MECOM: variants seen among roughly 807,000 people sequenced by gnomAD.
MECOM encodes the protein histone-lysine N-methyltransferase MECOM.
MECOM carries 13 observed loss-of-function variants against 116.3 expected under a neutral mutation model. That is an observed-to-expected ratio of 0.11 (90% CI 0.07 to 0.18). The LOEUF is 0.18. MECOM is among the 10% of genes least tolerant of loss of function. The pLI is 1.00. For missense variants in MECOM, 1,299 were observed against 1,509.0 expected, an observed-to-expected ratio of 0.86 and a Z score of 2.31; for synonymous variants, 528 against 535.2, an observed-to-expected ratio of 0.99 and a Z score of 0.19.
chr3:169,381,516 A>C lies in MECOM; in HGVS notation c.46T>G (p.Cys16Gly), dbSNP rs762327252. Residue 16 changes from cysteine (C) to glycine (G), a missense_variant, in exon 2 of 17, where the codon TGT (cysteine) becomes GGT (glycine). Around this residue, in one of 6 missense-constraint regions of MECOM, gnomAD observed 374 missense variants for 433.4 expected, o/e 0.86. Transcript: ENST00000651503. ...ATTTCAGGGTAGTTGCCATATACAC[A>C]CTCATTATCTGTGAATAAATAAGAA... ...RARKLATNNE[C>G]VYGNYPEIPL... The C allele has an allele frequency of 3.8e-6, 6 of 1,588,662 alleles. No individual in the cohort carries two copies. In the African/African-American group the frequency reaches 8.1e-5, roughly 22 times the overall value.
At chr3:169,235,897 CCTTGACTTATATGATTCAA>C (rs1289353209) in intron 2 of MECOM, among the ~76,000 whole-genome samples, 1 of 151,136 alleles carries the variant, frequency 6.6e-6, no homozygotes, top group East Asian at 1.9e-4. Context: ...GACAGACGCT[CCTTGACTTATATGATTCAA>C]CTTACAACCT....
chr3:169,294,338 G>T (rs1715177171), intron 2 of MECOM, among the ~76,000 whole-genome samples: 1 of 152,292 alleles, frequency 6.6e-6, no homozygotes, highest in East Asian at 1.9e-4. Context: ...GGGAGAGTTT[G>T]CAATTTCTAC....
intron 2 of MECOM, among the ~76,000 whole-genome samples, chr3:169,199,110 T>C (rs1047095488): frequency 1.3e-5 from 2 of 152,096 alleles, no homozygotes; most frequent in South Asian, 4.1e-4. Flanking sequence ...TTTCAGAACA[T>C]GTGGAGCATA....
chr3:169,212,240 A>C (rs947116074), intron 2 of MECOM, among the ~76,000 whole-genome samples: 1 of 152,036 alleles, frequency 6.6e-6, no homozygotes, highest in Non-Finnish European at 1.5e-5. Flanking sequence ...GGAATACCCC[A>C]CAACTGCTTC....
In MECOM at chr3:169,115,761, G is replaced by T. The variant is rs1728970671; in HGVS notation, c.2111C>A (p.Ser704Tyr). Reference protein sequence around the residue: ...MFPLPFFPAFSQSMYPFPDRD... With the variant: ...MFPLPFFPAFYQSMYPFPDRD... ...ATCAGGAAATGGGTACATTGATTGAGAGAATGCTGGAAAAAATGGGAGGGG... is the reference window on the plus strand; with the variant it reads ...ATCAGGAAATGGGTACATTGATTGATAGAATGCTGGAAAAAATGGGAGGGG... Residue 704 changes from serine (S) to tyrosine (Y), a missense_variant, in exon 8 of 17, where the codon TCT becomes TAT. Transcript: ENST00000651503. 1.2e-6 allele frequency: 2 copies of T among 1,614,046 alleles called. No homozygotes were observed. The highest frequency in any genetic ancestry group is 2.7e-5 in the African/African-American group (2 of 74,926).
intron 1 of MECOM, among the ~76,000 whole-genome samples, chr3:169,558,591 C>A (rs755708361): frequency 6.6e-6 from 1 of 152,220 alleles, no homozygotes; most frequent in Non-Finnish European, 1.5e-5. Flanking sequence ...CATTGTTTAT[C>A]CAGCGAGTAT....
At chr3:169,259,745 G>A (rs1757314566) in intron 2 of MECOM, among the ~76,000 whole-genome samples, 1 of 152,156 alleles carries the variant, frequency 6.6e-6, no homozygotes, top group Non-Finnish European at 1.5e-5. Flanking sequence ...CATATTTTCT[G>A]CTTTCTCATT....
At chr3:169,278,417 T>C (rs1759878110) in intron 2 of MECOM, among the ~76,000 whole-genome samples, 1 of 152,250 alleles carries the variant, frequency 6.6e-6, no homozygotes, top group Admixed American at 6.5e-5. Flanking sequence ...TAGTTGAATA[T>C]AAACTTTAAA....
chr3:169,201,087 C>A (rs1749086631), intron 2 of MECOM, among the ~76,000 whole-genome samples: 1 of 152,094 alleles, frequency 6.6e-6, no homozygotes, highest in Non-Finnish European at 1.5e-5. Context: ...TATTCAGTTG[C>A]ATGTACGTCT....
intron 2 of MECOM, among the ~76,000 whole-genome samples, chr3:169,272,857 G>A (rs117764687): frequency 1.3e-5 from 2 of 152,138 alleles, no homozygotes; most frequent in Non-Finnish European, 2.9e-5. Flanking sequence ...GTCATAGGGT[G>A]GGCACTGGCT....
chr3:169,540,126 G>C (rs556501027), intron 1 of MECOM, among the ~76,000 whole-genome samples: 38 of 152,250 alleles, frequency 2.5e-4, no homozygotes, highest in African/African-American at 8.9e-4. Context: ...TCATTTTCCA[G>C]CTGCCTCTTG....
At chr3:169,341,560 C>T (rs1724531594) in intron 2 of MECOM, among the ~76,000 whole-genome samples, 1 of 150,890 alleles carries the variant, frequency 6.6e-6, no homozygotes, top group Non-Finnish European at 1.5e-5. Flanking sequence ...GCCAACAAGG[C>T]GAAACTCCAT....
At chr3:169,222,643 A>G (rs1392900714) in intron 2 of MECOM, among the ~76,000 whole-genome samples, 2 of 152,212 alleles carry the variant, frequency 1.3e-5, no homozygotes, top group Admixed American at 6.5e-5. Flanking sequence ...CCCTCCCCAG[A>G]TGTCTGAAAC....
At chr3:169,091,181 T>C (rs1719595345) in intron 14 of MECOM, among the ~76,000 whole-genome samples, 1 of 152,058 alleles carries the variant, frequency 6.6e-6, no homozygotes. Context: ...TTAAAATTTT[T>C]ATTTAAAAAA....
chr3:169,237,912 C>T (rs1315142655), intron 2 of MECOM, among the ~76,000 whole-genome samples: 2 of 152,006 alleles, frequency 1.3e-5, no homozygotes, highest in African/African-American at 4.8e-5. Flanking sequence ...CAGGTTGGCT[C>T]ACACCTGTAA....
At chr3:169,392,232 TG>T (rs76252380) in intron 1 of MECOM, among the ~76,000 whole-genome samples, 3,956 of 152,206 alleles carry the variant, frequency 0.026, 121 homozygotes, top group African/African-American at 0.071. Flanking sequence ...GTTTCCTCCG[TG>T]GAATAAATAT....
chr3:169,465,583 G>C (rs1028979638), intron 1 of MECOM, among the ~76,000 whole-genome samples: 4 of 152,168 alleles, frequency 2.6e-5, no homozygotes, highest in African/African-American at 9.6e-5. Flanking sequence ...GATTTTTTCT[G>C]TATGTGTCGA....
chr3:169,107,966 T>C lies in MECOM; in HGVS notation c.2578-14A>G, dbSNP rs757682093. ...AGGCAGTTGGAACTGGGAGCAAAAT[T>C]GAAACAAAAACAAAAAATTACTTCT... On this transcript the variant is annotated splice_polypyrimidine_tract_variant and intron_variant, in intron 9 of 16. Transcript: ENST00000651503. 6.2e-7 allele frequency: 1 copy of C among 1,611,946 alleles called. No homozygotes were observed. Among genetic ancestry groups the C allele is most frequent in the Non-Finnish European group, 8.5e-7 (1 of 1,178,740 alleles).
rs1733208168 is a variant in MECOM, at chr3:169,385,693, T to TA, written c.38-4170dup. ...ACTCAAAAACTATCCAAAAAGCTGC[T>TA]AAAACATTTCATCTAAATGATAAAT... is the stretch of plus-strand genomic sequence containing the variant. On this transcript the variant is annotated intron_variant, in intron 1 of 16. Coordinates refer to ENST00000651503, the MANE Select transcript of MECOM (RefSeq NM_004991.4). Among the ~76,000 whole-genome samples the TA allele has an allele frequency of 1.3e-5, 2 of 152,188 alleles. 1 individual carries two copies. The highest frequency in any genetic ancestry group is 4.1e-4 in the South Asian group (2 of 4,824).
Sources: gnomAD v4.1 joint callset for allele counts (sites outside exome capture counted in the v4.1 genomes callset) on GRCh38, gnomAD v4.1.1 for gene constraint, gnomAD v4.1.1 regional missense constraint, MANE v1.5 for transcripts, NCBI Gene and HGNC (gene_info 2026-07-23, HGNC 2026-07-21) for gene names.